Variants in IMPACT observed in about 807,000 individuals in gnomAD.
The protein encoded by IMPACT is protein IMPACT.
In IMPACT, 35 loss-of-function variants were observed where a neutral mutation model predicts 47.5. The observed-to-expected ratio is 0.74, with a 90% confidence interval of 0.56 to 0.98. The LOEUF is 0.98. Ranked by LOEUF, IMPACT falls within the 50% of genes least tolerant of loss-of-function variation. The pLI is 0.00. For missense variants in IMPACT, 373 were observed against 394.8 expected (o/e 0.94, Z 0.47); for synonymous variants, 118 against 125.6 (o/e 0.94, Z 0.40).
intron 4 of IMPACT, among the ~76,000 whole-genome samples, chr18:24,432,760 G>A (rs1908790397): frequency 6.6e-6 from 1 of 151,692 alleles, no homozygotes; most frequent in African/African-American, 2.4e-5. Flanking sequence ...ATTAACACCA[G>A]AATTGTTCAT....
intron 4 of IMPACT, among the ~76,000 whole-genome samples, chr18:24,434,542 G>A (rs1043397624): frequency 6.6e-6 from 1 of 152,034 alleles, no homozygotes; most frequent in Non-Finnish European, 1.5e-5. Flanking sequence ...GGAGGCTGAG[G>A]CAGGCGGATC....
intron 8 of IMPACT, among the ~76,000 whole-genome samples, 192 bp from the exon 9 acceptor site, chr18:24,447,901 T>C (rs1301783954): frequency 6.6e-6 from 1 of 152,156 alleles, no homozygotes. Context: ...TTCCCAAGTA[T>C]ATAAAAAGGC....
At chr18:24,446,023 A>G (rs1291675724) in intron 8 of IMPACT, among the ~76,000 whole-genome samples, 1 of 152,168 alleles carries the variant, frequency 6.6e-6, no homozygotes, top group Non-Finnish European at 1.5e-5. Flanking sequence ...GAATTATCAA[A>G]AAGTGTGAAC....
At position 24,453,374 on chromosome 18, in the gene IMPACT, T is replaced by C. The variant is rs1909436164; in HGVS notation, c.*2527T>C. On this transcript the variant is annotated 3_prime_UTR_variant, in exon 11 of 11. Coordinates refer to ENST00000284202, the MANE Select transcript of IMPACT (RefSeq NM_018439.4). ...TTAATATTTGGTATGTACATCCTTA[T>C]ATTATTTTTTTCTTATGCATGATTT... 6.6e-6 allele frequency: 1 copy of C among 152,184 alleles called. No individual in the cohort carries two copies. Among genetic ancestry groups the C allele is most frequent in the African/African-American group, 2.4e-5 (1 of 41,440 alleles). The allele number at this position is 152,184 out of a possible 1,614,324, so 9.4% of individuals were successfully genotyped here. A position where few individuals can be genotyped will look rare whatever the true frequency, so the allele number is the denominator to read the frequency against.
rs746554129 is a variant in IMPACT at position 24,440,577 on chromosome 18, C to T, written c.449C>T (p.Ser150Leu). 6.2e-6 allele frequency: 10 copies of T among 1,613,024 alleles called. No homozygotes were observed. In the East Asian group the frequency reaches 6.7e-5, roughly 11 times the overall value. The change falls in exon 6 of 11, where the codon TCG (serine) becomes TTG (leucine). Residue 150 changes from serine to leucine, a missense_variant. Ser to Leu is a moderately radical substitution (Grantham distance 145, BLOSUM62 -2). Coordinates refer to ENST00000284202, the MANE Select transcript of IMPACT (RefSeq NM_018439.4). ...DLILACQPES[S>L]LKALDFDISE... is the part of the protein sequence containing the mutation. ...ATTTTAGCATGTCAGCCGGAAAGTTCGCTTAAAGCATTGGATTTTGATATC... is the reference window on the plus strand; with the variant it reads ...ATTTTAGCATGTCAGCCGGAAAGTTTGCTTAAAGCATTGGATTTTGATATC...
intron 6 of IMPACT, among the ~76,000 whole-genome samples, chr18:24,441,680 A>G (rs1031249608): frequency 6.6e-6 from 1 of 152,190 alleles, no homozygotes; most frequent in African/African-American, 2.4e-5. Flanking sequence ...GTGTCATTAC[A>G]CAGTAGCTTT....
At chr18:24,436,629 A>C (rs1428830459) in intron 4 of IMPACT, among the ~76,000 whole-genome samples, 1 of 147,892 alleles carries the variant, frequency 6.8e-6, no homozygotes, top group African/African-American at 2.5e-5. Context: ...ACTCACTGCA[A>C]CCTCCACCTC....
chr18:24,444,452 A>G (rs1019204155), intron 7 of IMPACT, among the ~76,000 whole-genome samples: 1 of 152,196 alleles, frequency 6.6e-6, no homozygotes, highest in African/African-American at 2.4e-5. Flanking sequence ...ACTTCTTGCC[A>G]TTACAACATC....
At chr18:24,431,822 C>T (rs1377691847) in intron 4 of IMPACT, among the ~76,000 whole-genome samples, 2 of 152,112 alleles carry the variant, frequency 1.3e-5, no homozygotes, top group African/African-American at 4.8e-5. Context: ...CAGCCTCAGC[C>T]TCCTGAGTAG....
intron 4 of IMPACT, chr18:24,435,297 G>C (rs891800849): frequency 1.3e-5 from 2 of 152,058 alleles, no homozygotes; most frequent in Admixed American, 6.6e-5. Context: ...TATTTTGCAT[G>C]TGAATATTTT....
In IMPACT at chr18:24,440,954, G is replaced by C. The variant is rs1283420251; in HGVS notation, c.490+336G>C. Among the ~76,000 whole-genome samples the C allele has an allele frequency of 2.0e-5, 3 of 152,182 alleles. No homozygotes were observed. The East Asian group carries it at 5.8e-4, about 29-fold the overall frequency. On this transcript the variant is annotated intron_variant, in intron 6 of 10. Transcript: ENST00000284202. ...GTATTGAAATCCTTAGCTGTTTCCT[G>C]ATGTTTCAGGATTAAATTTTAGTCT...
At position 24,448,125 on chromosome 18, in the gene IMPACT, A is replaced by C; in HGVS notation, c.701A>C (p.Gln234Pro). The part of the protein sequence containing the change: ...IYCEDKQTFL[Q>P]DCEDDGETAA... ...TGTGAGGATAAACAGACCTTCTTAC[A>C]GGATTGTGAGGATGATGGGGAAACA... The change falls in exon 9 of 11, where the codon CAG (glutamine) becomes CCG (proline). Residue 234 changes from glutamine (Q) to proline (P), a missense_variant. Transcript: ENST00000284202. 6.2e-7 allele frequency: 1 copy of C among 1,613,292 alleles called. No homozygotes were observed. The highest frequency in any genetic ancestry group is 8.5e-7 in the Non-Finnish European group (1 of 1,179,312).
At chr18:24,432,428 C>T (rs1370580162) in intron 4 of IMPACT, among the ~76,000 whole-genome samples, 1 of 152,036 alleles carries the variant, frequency 6.6e-6, no homozygotes, top group African/African-American at 2.4e-5. Context: ...CTTTGTGTCC[C>T]TGGGATCCAG....
chr18:24,433,147 T>C (rs989446814), intron 4 of IMPACT, among the ~76,000 whole-genome samples: 2 of 151,738 alleles, frequency 1.3e-5, no homozygotes, highest in Non-Finnish European at 2.9e-5. Flanking sequence ...TTTTCACACA[T>C]GTAGTCTAAA....
chr18:24,427,192 CCGAATCTCACTCCTTCTGGTCCTTGGCAT>C (rs1176516425), intron 1 of IMPACT: 15 of 184,148 alleles, frequency 8.1e-5, no homozygotes, highest in Admixed American at 6.2e-5. Context: ...CGAGAGCCCA[CCGAATCTCACTCCTTCTGGTCCTTGGCAT>C]CGAGCTTTCC....
chr18:24,449,879 G>A lies in IMPACT; in HGVS notation c.820G>A (p.Gly274Arg). 4 of 1,613,188 alleles carry A rather than the reference G, an allele frequency of 2.5e-6. No homozygotes were observed. Among genetic ancestry groups the A allele is most frequent in the Non-Finnish European group, 3.4e-6 (4 of 1,179,358 alleles). The change falls in exon 10 of 11, where the codon GGA becomes AGA. Residue 274 changes from glycine to arginine, a missense_variant. By Grantham distance (125) the Gly-to-Arg change is moderately radical. Transcript: ENST00000284202. ...ACGCTGGTATGGAGGGATTCTGCTA[G>A]GACCAGATCGCTTTAAACATATCAA... The part of the protein sequence containing the change: ...VSRWYGGILL[G>R]PDRFKHINNC...
intron 8 of IMPACT, among the ~76,000 whole-genome samples, chr18:24,447,332 A>C (rs904912095): frequency 3.9e-5 from 6 of 152,134 alleles, no homozygotes; most frequent in African/African-American, 1.4e-4. Context: ...GTTCCACATG[A>C]TACCATTGGT....
chr18:24,431,069 C>T (rs1908743776), intron 4 of IMPACT, among the ~76,000 whole-genome samples: 1 of 151,986 alleles, frequency 6.6e-6, no homozygotes. Context: ...ACAGAAGTGC[C>T]CTTTTTCATG....
chr18:24,427,300 A>G (rs971877274), intron 1 of IMPACT: 1 of 155,374 alleles, frequency 6.4e-6, no homozygotes, highest in African/African-American at 2.4e-5. Context: ...ATGAAATGCT[A>G]CGAAGTCGAA....
Sources: allele counts gnomAD v4.1 joint callset (sites outside exome capture counted in the v4.1 genomes callset), GRCh38; gene constraint gnomAD v4.1.1; transcripts MANE v1.5; gene names NCBI Gene and HGNC (gene_info 2026-07-23, HGNC 2026-07-21).